NEK4: variants seen among roughly 807,000 people sequenced by gnomAD.
NEK4 encodes the protein NIMA related kinase 4.
In NEK4, 86 loss-of-function variants were observed where a neutral mutation model predicts 98.4. That is an observed-to-expected ratio of 0.87 (90% CI 0.73 to 1.05). The LOEUF is 1.05. Ranked by LOEUF, NEK4 falls within the 50% of genes least tolerant of loss-of-function variation. The pLI, the probability that NEK4 is intolerant of heterozygous loss-of-function variation, is 0.00. For missense variants in NEK4, 898 were observed against 950.3 expected (o/e 0.94, Z 0.72); for synonymous variants, 328 against 342.2 (o/e 0.96, Z 0.46).
At chr3:52,717,669 C>G (rs1258196890) in intron 15 of NEK4, among the ~76,000 whole-genome samples, 3 of 152,124 alleles carry the variant, frequency 2.0e-5, no homozygotes, top group African/African-American at 7.2e-5. Context: ...TAAAACAGAG[C>G]ACCAAATCTC....
rs1006448566 is a variant in NEK4, at chr3:52,753,527, T to C, written c.964-1191A>G. ...ATTTCTTTGTTTGGAGTACACATTA[T>C]GTACTCTTTCTGGAGCATGTCTACA... On this transcript the variant is annotated intron_variant, in intron 6 of 15. Coordinates refer to ENST00000233027, the MANE Select transcript of NEK4 (RefSeq NM_003157.6). The C allele has an allele frequency of 6.1e-6, 3 of 489,712 alleles. No individual in the cohort carries two copies. In the Admixed American group the frequency reaches 6.6e-5, roughly 11 times the overall value. 30.3% of individuals were successfully genotyped at this position (489,712 alleles called of 1,614,324 possible). A position where few individuals can be genotyped will look rare whatever the true frequency, so the allele number is the denominator to read the frequency against.
chr3:52,711,848 C>T lies in NEK4; in HGVS notation c.2455G>A (p.Gly819Ser). 1.2e-6 allele frequency: 2 copies of T among 1,605,662 alleles called. No individual in the cohort carries two copies. Among genetic ancestry groups the T allele is most frequent in the Non-Finnish European group, 1.7e-6 (2 of 1,174,382 alleles). Reference protein sequence around the residue: ...DREVRLREHMGEKYTTYSVKA... With the variant: ...DREVRLREHMSEKYTTYSVKA... ...ACACTGTAAGTTGTATACTTTTCAC[C>T]CATGTGCTCCCGCAAACGTACCTAT... Residue 819 changes from glycine (G) to serine (S), a missense_variant, in exon 16 of 16, where the codon GGT becomes AGT. Transcript: ENST00000233027.
Position 52,734,005 on chromosome 3 carries a change from C to T in NEK4, c.2433+3581G>A, listed in dbSNP as rs547722203. ...CAAGCCTCAGTACTCATCTACTGAT[C>T]CACACACGGAAAGGTAACCTTACAA... On this transcript the variant is annotated intron_variant, in intron 15 of 15. Coordinates refer to ENST00000233027, the MANE Select transcript of NEK4 (RefSeq NM_003157.6). The T allele has an allele frequency of 2.4e-5, 4 of 165,248 alleles. No homozygotes were observed. In the Admixed American group the frequency reaches 2.5e-4, roughly 10 times the overall value. The allele number at this position is 165,248 out of a possible 1,614,324, so 10.2% of individuals were successfully genotyped here. A position where few individuals can be genotyped will look rare whatever the true frequency, so the allele number is the denominator to read the frequency against.
At chr3:52,738,714 G>A (rs2097380610) in intron 14 of NEK4, among the ~76,000 whole-genome samples, 1 of 152,074 alleles carries the variant, frequency 6.6e-6, no homozygotes, top group Non-Finnish European at 1.5e-5. Flanking sequence ...GCCTCCCAAA[G>A]TATAGGCATG....
chr3:52,737,812 TATTTATTTATTTTA>T, intron 14 of NEK4, 93 bp from the exon 15 acceptor site: 1 of 920,724 alleles, frequency 1.1e-6, no homozygotes, highest in Non-Finnish European at 1.6e-6. Context: ...TATTTTATTT[TATTTATTTATTTTA>T]TTTTTGAGAC....
intron 6 of NEK4, among the ~76,000 whole-genome samples, chr3:52,756,550 T>C (rs563444685): frequency 1.1e-4 from 16 of 152,302 alleles, no homozygotes; most frequent in Non-Finnish European, 7.4e-5. Context: ...TAGATATCCA[T>C]ATACAGAATA....
rs1036194497 is a variant in NEK4 at position 52,708,488 on chromosome 3, C to T, written c.*3289G>A. The T allele has an allele frequency of 1.3e-5, 2 of 152,142 alleles. No individual in the cohort carries two copies. Among genetic ancestry groups the T allele is most frequent in the African/African-American group, 4.8e-5 (2 of 41,424 alleles). The allele number at this position is 152,142 out of a possible 1,614,324, so 9.4% of individuals were successfully genotyped here. On this transcript the variant is annotated 3_prime_UTR_variant, in exon 16 of 16. Transcript: ENST00000233027. ...TTTATTGAATGAGAACTGCATTGTA[C>T]AATATGGTGCCACTAGACACGTCTA...
At chr3:52,750,061 T>C (rs562084463) in intron 7 of NEK4, among the ~76,000 whole-genome samples, 1 of 152,182 alleles carries the variant, frequency 6.6e-6, no homozygotes, top group Non-Finnish European at 1.5e-5. Context: ...GTTTAATACA[T>C]AGAGTTACCA....
intron 6 of NEK4, among the ~76,000 whole-genome samples, chr3:52,755,954 TAATAA>T (rs1428951097): frequency 6.6e-6 from 1 of 151,960 alleles, no homozygotes; most frequent in African/African-American, 2.4e-5. Flanking sequence ...GTATCAAAAA[TAATAA>T]AATAATTAGG....
At chr3:52,730,374 C>T (rs1268207374) in intron 15 of NEK4, among the ~76,000 whole-genome samples, 1 of 152,184 alleles carries the variant, frequency 6.6e-6, no homozygotes, top group Non-Finnish European at 1.5e-5. Context: ...GAAATGATGC[C>T]AATCCTTCTC....
In NEK4 at chr3:52,711,438, G is replaced by T. The variant is rs1314510194; in HGVS notation, c.*339C>A. The T allele has an allele frequency of 5.9e-6, 1 of 169,674 alleles. No individual in the cohort carries two copies. The highest frequency in any genetic ancestry group is 1.3e-5 in the Non-Finnish European group (1 of 79,812). The allele number at this position is 169,674 out of a possible 1,614,324, so 10.5% of individuals were successfully genotyped here. ...ATTACAATATAAAATTTTCAATCCA[G>T]CATTTTATAGCTCTGTGTTTAAGTT... On this transcript the variant is annotated 3_prime_UTR_variant, in exon 16 of 16. Coordinates refer to ENST00000233027, the MANE Select transcript of NEK4 (RefSeq NM_003157.6).
chr3:52,744,715 C>G (rs1174365246), intron 10 of NEK4, among the ~76,000 whole-genome samples: 1 of 149,876 alleles, frequency 6.7e-6, no homozygotes, highest in Non-Finnish European at 1.5e-5. Context: ...AGGTCTTACT[C>G]CAGCCTGGGT....
At chr3:52,742,514 A>G (rs2097388170) in intron 12 of NEK4, among the ~76,000 whole-genome samples, 1 of 152,200 alleles carries the variant, frequency 6.6e-6, no homozygotes, top group African/African-American at 2.4e-5. Context: ...AATACATCCA[A>G]TACTTTCAAA....
chr3:52,744,328 C>T, intron 10 of NEK4, 23 bp from the exon 11 acceptor site: 1 of 1,571,394 alleles, frequency 6.4e-7, no homozygotes, highest in Non-Finnish European at 8.8e-7. Context: ...GTCACAGAGT[C>T]ACTTCCATTC....
chr3:52,762,370 T>TA (rs1698389022), intron 5 of NEK4, among the ~76,000 whole-genome samples: 2 of 152,202 alleles, frequency 1.3e-5, no homozygotes, highest in Non-Finnish European at 2.9e-5. Flanking sequence ...CCTCTTTTTT[T>TA]TTATTATTAT....
At chr3:52,711,905 T>A in intron 15 of NEK4, 36 bp from the exon 16 acceptor site, 2 of 1,205,398 alleles carry the variant, frequency 1.7e-6, no homozygotes, top group Non-Finnish European at 2.4e-6. Context: ...AATCAGTATG[T>A]AGTAGGAAAA....
chr3:52,765,034 G>A (rs961630280), intron 4 of NEK4, among the ~76,000 whole-genome samples: 4 of 152,098 alleles, frequency 2.6e-5, no homozygotes, highest in African/African-American at 7.2e-5. Context: ...AAAATCAATA[G>A]ATGATTTATG....
At chr3:52,748,992 T>C (rs1561316148) in intron 8 of NEK4, among the ~76,000 whole-genome samples, 1 of 151,868 alleles carries the variant, frequency 6.6e-6, no homozygotes, top group South Asian at 2.1e-4. Context: ...GAGGGTAAGA[T>C]TGGAGGATCA....
intron 15 of NEK4, among the ~76,000 whole-genome samples, chr3:52,727,862 A>G (rs1206896254): frequency 2.0e-5 from 3 of 152,234 alleles, no homozygotes; most frequent in Non-Finnish European, 2.9e-5. Flanking sequence ...ATAAAAAACA[A>G]TATACTGAAA....
Sources: gnomAD v4.1 joint callset for allele counts (sites outside exome capture counted in the v4.1 genomes callset) on GRCh38, gnomAD v4.1.1 for gene constraint, MANE v1.5 for transcripts, NCBI Gene and HGNC (gene_info 2026-07-23, HGNC 2026-07-21) for gene names.